The following CYB5R3 variants were observed in gnomAD, a reference collection of about 807,000 sequenced individuals.
CYB5R3 encodes the protein cytochrome b5 reductase 3, also known as NADH-cytochrome b5 reductase 3.
In CYB5R3, 28 loss-of-function variants were observed where a neutral mutation model predicts 36.5. That is an observed-to-expected ratio of 0.77 (90% CI 0.57 to 1.05). The LOEUF (loss-of-function observed/expected upper bound fraction) is 1.05, where lower values mean the gene tolerates loss of function less well. Ranked by LOEUF, CYB5R3 falls within the 50% of genes least tolerant of loss-of-function variation. The pLI, the probability that CYB5R3 is intolerant of heterozygous loss-of-function variation, is 0.00. For synonymous variants in CYB5R3, 181 were observed against 159.8 expected (o/e 1.13, Z -1.00); for missense variants, 474 against 408.9 (o/e 1.16, Z -1.37).
At chr22:42,630,171 ATG>A (rs1433238276) in intron 4 of CYB5R3, among the ~76,000 whole-genome samples, 1 of 152,058 alleles carries the variant, frequency 6.6e-6, no homozygotes, top group Admixed American at 6.6e-5. Context: ...CCCACTCGGC[ATG>A]TGTGTTTCAG....
chr22:42,641,229 T>A (rs538761173), intron 1 of CYB5R3, among the ~76,000 whole-genome samples: 1 of 152,348 alleles, frequency 6.6e-6, no homozygotes, highest in East Asian at 1.9e-4. Flanking sequence ...ACATACAATA[T>A]ACAAATATGT....
intron 1 of CYB5R3, among the ~76,000 whole-genome samples, chr22:42,648,838 G>T (rs573118520): frequency 1.5e-5 from 2 of 137,164 alleles, no homozygotes; most frequent in African/African-American, 2.8e-5. Context: ...ACATACTCCC[G>T]TACACACACA....
At chr22:42,632,488 C>T (rs1247417552) in intron 2 of CYB5R3, 1 of 152,332 alleles carries the variant, frequency 6.6e-6, no homozygotes, top group East Asian at 1.9e-4. Flanking sequence ...AGAGACCCGT[C>T]CCTACACGTG....
Position 42,627,327 on chromosome 22 carries a change from A to G in CYB5R3, c.610T>C (p.Cys204Arg), listed in dbSNP as rs121965011. The part of the protein sequence containing the change: ...IMKDPDDHTV[C>R]HLLFANQTEK... ...ACCTGGTTGGCAAAGAGCAGGTGGC[A>G]CACAGTGTGGTCATCAGGGTCCTTC... The change falls in exon 7 of 9, where the codon TGC becomes CGC. Residue 204 changes from cysteine to arginine, a missense_variant. By Grantham distance (180) the Cys-to-Arg change is radical. Coordinates refer to ENST00000352397, the MANE Select transcript of CYB5R3 (RefSeq NM_000398.7). 2 of 1,614,002 alleles carry G rather than the reference A, an allele frequency of 1.2e-6. No homozygotes were observed. The highest frequency in any genetic ancestry group is 1.7e-6 in the Non-Finnish European group (2 of 1,179,986).
chr22:42,633,428 G>A (rs1480605070), intron 2 of CYB5R3: 1 of 152,306 alleles, frequency 6.6e-6, no homozygotes, highest in Non-Finnish European at 1.5e-5. Context: ...GGCAGGGGTG[G>A]AGGTCATACC....
In CYB5R3 at chr22:42,618,320, G is replaced by A. The variant is rs1219892885; in HGVS notation, c.*1453C>T. 5 of 150,036 alleles carry A rather than the reference G, an allele frequency of 3.3e-5. No individual in the cohort carries two copies. Among genetic ancestry groups the A allele is most frequent in the South Asian group, 2.1e-4 (1 of 4,814 alleles). 9.3% of individuals were successfully genotyped at this position (150,036 alleles called of 1,614,324 possible). On this transcript the variant is annotated 3_prime_UTR_variant, in exon 9 of 9. Transcript: ENST00000352397. ...TGGGAGGCCGAGGCGGGCGGATCAC[G>A]AGGTCAGGAGATCGAGACCATCCCG...
At chr22:42,634,275 C>T (rs1039699434) in intron 2 of CYB5R3, among the ~76,000 whole-genome samples, 8 of 151,326 alleles carry the variant, frequency 5.3e-5, no homozygotes, top group South Asian at 2.1e-4. Context: ...GCAGGAGAAC[C>T]GCTTGAACCT....
At chr22:42,642,964 T>C (rs1929358292) in intron 1 of CYB5R3, among the ~76,000 whole-genome samples, 1 of 152,178 alleles carries the variant, frequency 6.6e-6, no homozygotes, top group African/African-American at 2.4e-5. Flanking sequence ...TCACTTTGAG[T>C]GCCAGGAAGC....
At chr22:42,643,314 T>C (rs1929377776) in intron 1 of CYB5R3, among the ~76,000 whole-genome samples, 1 of 152,144 alleles carries the variant, frequency 6.6e-6, no homozygotes, top group African/African-American at 2.4e-5. Flanking sequence ...GTCTATAACC[T>C]GGGAAGTCCC....
At position 42,619,668 on chromosome 22, in the gene CYB5R3, A is replaced by T; in HGVS notation, c.*105T>A. On this transcript the variant is annotated 3_prime_UTR_variant, in exon 9 of 9. Coordinates refer to ENST00000352397, the MANE Select transcript of CYB5R3 (RefSeq NM_000398.7). ...TGATTCACCAGGGCACGGGCAGGCCAGGCTGAACCCGGGGCCCCAGTGTGC... is the reference window on the plus strand; with the variant it reads ...TGATTCACCAGGGCACGGGCAGGCCTGGCTGAACCCGGGGCCCCAGTGTGC... The T allele has an allele frequency of 8.8e-7, 1 of 1,134,082 alleles. No homozygotes were observed. The highest frequency in any genetic ancestry group is 1.2e-6 in the Non-Finnish European group (1 of 800,776). 70.3% of individuals were successfully genotyped at this position (1,134,082 alleles called of 1,614,324 possible). A position where few individuals can be genotyped will look rare whatever the true frequency, so the allele number is the denominator to read the frequency against.
intron 1 of CYB5R3, among the ~76,000 whole-genome samples, chr22:42,641,969 C>G (rs1929298190): frequency 6.6e-6 from 1 of 152,168 alleles, no homozygotes; most frequent in African/African-American, 2.4e-5. Flanking sequence ...AACCCCCATA[C>G]CATTCAAGGG....
rs1332297641 is a variant in CYB5R3 at position 42,619,741 on chromosome 22, G to A, written c.*32C>T. The A allele has an allele frequency of 7.8e-6, 12 of 1,542,134 alleles. No homozygotes were observed. The highest frequency in any genetic ancestry group is 5.9e-5 in the Admixed American group (3 of 51,220). On this transcript the variant is annotated 3_prime_UTR_variant, in exon 9 of 9. Transcript: ENST00000352397. ...AGCGTGAACAGGGCGTGGGGTGCGC[G>A]GGGCGGGTGGCCGTGTGACCGTGCC...
intron 1 of CYB5R3, among the ~76,000 whole-genome samples, chr22:42,642,248 G>A (rs1370971521): frequency 2.0e-5 from 3 of 151,490 alleles, no homozygotes; most frequent in Non-Finnish European, 4.4e-5. Flanking sequence ...AGTAACTGGG[G>A]CTACAGGCAC....
At chr22:42,634,162 G>T (rs930114146) in intron 2 of CYB5R3, among the ~76,000 whole-genome samples, 4 of 151,010 alleles carry the variant, frequency 2.6e-5, no homozygotes, top group Non-Finnish European at 5.9e-5. Context: ...GACCAGCCTG[G>T]CCAACATGTT....
intron 2 of CYB5R3, among the ~76,000 whole-genome samples, chr22:42,634,961 C>A (rs1263073064): frequency 6.7e-6 from 1 of 149,916 alleles, no homozygotes; most frequent in Non-Finnish European, 1.5e-5. Flanking sequence ...CCTGCCACCA[C>A]GCCCAGCTAA....
At chr22:42,628,899 G>A (rs1340895972) in intron 4 of CYB5R3, among the ~76,000 whole-genome samples, 3 of 152,134 alleles carry the variant, frequency 2.0e-5, no homozygotes, top group Non-Finnish European at 4.4e-5. Flanking sequence ...GTGCCTCAGG[G>A]AGGGGAGCCT....
In CYB5R3 at chr22:42,619,881, C is replaced by A; in HGVS notation, c.798G>T (p.Glu266Asp). 6.2e-7 allele frequency: 1 copy of A among 1,608,460 alleles called. No individual in the cohort carries two copies. Among genetic ancestry groups the A allele is most frequent in the Non-Finnish European group, 8.5e-7 (1 of 1,177,872 alleles). The change falls in exon 9 of 9, where the codon GAG (glutamate) becomes GAT (aspartate). Residue 266 changes from glutamate to aspartate, a missense_variant. By Grantham distance (45) the Glu-to-Asp change is conservative. Transcript: ENST00000352397. ...CACACATCAGCACCAGCGGCTCCTCCTCTGGGGGTGGAAGGTGGTCCCGGA... is the reference window on the plus strand; with the variant it reads ...CACACATCAGCACCAGCGGCTCCTCATCTGGGGGTGGAAGGTGGTCCCGGA... Reference protein sequence around the residue: ...EMIRDHLPPPEEEPLVLMCGP... With the variant: ...EMIRDHLPPPDEEPLVLMCGP...
At position 42,626,793 on chromosome 22, in the gene CYB5R3, G is replaced by A. The variant is rs186192538; in HGVS notation, c.633+511C>T. On this transcript the variant is annotated intron_variant, in intron 7 of 8. Transcript: ENST00000352397. ...GATGAGGGAGTGAAGCTCAGAGAGG[G>A]AAAGTAGCTCGTCCAAGACCACACA... 3.0e-4 allele frequency among the ~76,000 whole-genome samples: 46 copies of A among 151,906 alleles called. No homozygotes were observed. In the East Asian group the frequency reaches 8.4e-3, roughly 28 times the overall value.
In CYB5R3 at chr22:42,636,635, C is replaced by T. The variant is rs1407595170; in HGVS notation, c.153+80G>A. The T allele has an allele frequency of 1.1e-5, 17 of 1,574,134 alleles. No homozygotes were observed. In the East Asian group the frequency reaches 1.8e-4, roughly 17 times the overall value. ...GTGGACAACAGTATCTACTTCAGAG[C>T]AGGACCATGCCCTGAGCACAGAGTA... On this transcript the variant is annotated intron_variant, in intron 2 of 8. Transcript: ENST00000352397.
Sources: allele counts gnomAD v4.1 joint callset (sites outside exome capture counted in the v4.1 genomes callset), GRCh38; gene constraint gnomAD v4.1.1; transcripts MANE v1.5; gene names NCBI Gene and HGNC (gene_info 2026-07-23, HGNC 2026-07-21).